Variants in ADGRB3 observed in about 807,000 individuals in gnomAD.
The protein encoded by ADGRB3 is adhesion G protein-coupled receptor B3, also known as brain-specific angiogenesis inhibitor 3.
ADGRB3 carries 37 observed loss-of-function variants against 193.4 expected under a neutral mutation model. The observed-to-expected ratio is 0.19, with a 90% confidence interval of 0.15 to 0.25. ADGRB3 has a LOEUF of 0.25. Ranked by LOEUF, ADGRB3 falls within the 10% of genes least tolerant of loss-of-function variation. The probability of loss-of-function intolerance (pLI) is 1.00; values close to 1 mark genes in which losing one functional copy is unlikely to be tolerated. For missense variants in ADGRB3, 1,637 were observed against 1,852.9 expected (o/e 0.88, Z 2.14); for synonymous variants, 690 against 644.2 (o/e 1.07, Z -1.08).
intron 3 of ADGRB3, among the ~76,000 whole-genome samples, chr6:68,884,996 C>A (rs1282952007): frequency 6.6e-6 from 1 of 152,094 alleles, no homozygotes; most frequent in Admixed American, 6.6e-5. Context: ...AAGTCACAAG[C>A]ATATGAAAAG....
At chr6:69,117,459 T>C (rs1773566824) in intron 17 of ADGRB3, among the ~76,000 whole-genome samples, 1 of 152,188 alleles carries the variant, frequency 6.6e-6, no homozygotes, top group African/African-American at 2.4e-5. Flanking sequence ...TCTTTGTCTT[T>C]AAGCAGAAGG....
intron 11 of ADGRB3, among the ~76,000 whole-genome samples, chr6:68,998,322 C>T (rs995369224): frequency 6.6e-6 from 1 of 152,158 alleles, no homozygotes; most frequent in Non-Finnish European, 1.5e-5. Context: ...GAAGAAGCAA[C>T]ATCTATAACC....
intron 3 of ADGRB3, among the ~76,000 whole-genome samples, chr6:68,723,067 T>G (rs1372904996): frequency 6.6e-6 from 1 of 151,784 alleles, no homozygotes; most frequent in Non-Finnish European, 1.5e-5. Context: ...TTAAAGATAG[T>G]AAACATTCTG....
At chr6:69,018,677 A>G (rs1166716725) in intron 13 of ADGRB3, among the ~76,000 whole-genome samples, 178 bp downstream of exon 13, 2 of 152,000 alleles carry the variant, frequency 1.3e-5, no homozygotes, top group East Asian at 3.9e-4. Flanking sequence ...TGCATTATAT[A>G]TATGTACGCG....
At chr6:68,913,345 A>G (rs1026591686) in intron 3 of ADGRB3, among the ~76,000 whole-genome samples, 11 of 152,142 alleles carry the variant, frequency 7.2e-5, no homozygotes, top group Non-Finnish European at 1.2e-4. Flanking sequence ...TCTGAGACAA[A>G]ACTTCCAGAG....
intron 20 of ADGRB3, among the ~76,000 whole-genome samples, chr6:69,250,229 C>A (rs534282415): frequency 6.6e-6 from 1 of 152,202 alleles, no homozygotes; most frequent in South Asian, 2.1e-4. Context: ...CAATTAAATT[C>A]TATCTGTATT....
Position 69,324,918 on chromosome 6 carries a change from C to T in ADGRB3, c.2861C>T (p.Ala954Val). The T allele has an allele frequency of 6.2e-7, 1 of 1,613,826 alleles. No individual in the cohort carries two copies. The highest frequency in any genetic ancestry group is 8.5e-7 in the Non-Finnish European group (1 of 1,179,856). Residue 954 changes from alanine to valine, a missense_variant, in exon 21 of 32, where the codon GCT becomes GTT. Ala to Val is a moderately conservative substitution (Grantham distance 64). Coordinates refer to ENST00000370598, the MANE Select transcript of ADGRB3 (RefSeq NM_001704.3). Reference protein sequence around the residue: ...TTAFLHFFFLASFCWVLTEAW... With the variant: ...TTAFLHFFFLVSFCWVLTEAW... ...GCATTTTTGCACTTTTTCTTCCTGG[C>T]TTCATTCTGTTGGGTTTTGACTGAG...
rs375255522 is a variant in ADGRB3 at position 68,868,911 on chromosome 6, A to ATGTGTGTGTGTGTG, written c.758-61631_758-61618dup. Reference sequence around the variant, plus strand: ...CTGGAAATAGGACTTCCAGATAATGATGTGTGTGTGTGTGTGTGTGTGTGT... The same window carrying ATGTGTGTGTGTGTG: ...CTGGAAATAGGACTTCCAGATAATGATGTGTGTGTGTGTGTGTGTGTGTGTGTGTGTGTGTGTGT... On this transcript the variant is annotated intron_variant, in intron 3 of 31. Transcript: ENST00000370598. Among the ~76,000 whole-genome samples, 476 of 139,812 alleles carry ATGTGTGTGTGTGTG rather than the reference A, an allele frequency of 3.4e-3. 8 individuals carry two copies. In the East Asian group the frequency reaches 0.05, roughly 15 times the overall value. The allele number at this position is 139,812 out of a possible 152,430, so 91.7% of individuals were successfully genotyped here.
intron 20 of ADGRB3, among the ~76,000 whole-genome samples, chr6:69,300,400 C>G (rs1224488678): frequency 6.6e-6 from 1 of 151,738 alleles, no homozygotes; most frequent in East Asian, 1.9e-4. Flanking sequence ...CCTCTAAGAT[C>G]ATGAAACAAA....
At chr6:69,002,992 T>C (rs866293357) in intron 11 of ADGRB3, among the ~76,000 whole-genome samples, 1 of 152,280 alleles carries the variant, frequency 6.6e-6, no homozygotes, top group East Asian at 1.9e-4. Context: ...AAGATGTGGC[T>C]TTAACACTTG....
chr6:68,661,894 T>A (rs911502523), intron 3 of ADGRB3, among the ~76,000 whole-genome samples: 1 of 151,162 alleles, frequency 6.6e-6, no homozygotes, highest in Non-Finnish European at 1.5e-5. Flanking sequence ...AAAAATAAAT[T>A]GATTACAACA....
At chr6:69,141,359 G>A (rs1330040772) in intron 17 of ADGRB3, among the ~76,000 whole-genome samples, 2 of 152,140 alleles carry the variant, frequency 1.3e-5, no homozygotes, top group South Asian at 2.1e-4. Flanking sequence ...TGCTGACCTC[G>A]TGATCCACCC....
intron 5 of ADGRB3, among the ~76,000 whole-genome samples, chr6:68,937,407 G>A (rs1562092984): frequency 6.6e-6 from 1 of 152,118 alleles, no homozygotes; most frequent in African/African-American, 2.4e-5. Context: ...AGTAATAATA[G>A]GACTCTGGGC....
At chr6:69,041,483 C>A (rs555132335) in intron 13 of ADGRB3, among the ~76,000 whole-genome samples, 11 of 152,032 alleles carry the variant, frequency 7.2e-5, no homozygotes, top group Non-Finnish European at 1.6e-4. Flanking sequence ...TGTTACGAGG[C>A]AAAATAAATT....
chr6:69,077,185 A>AT (rs895103313), intron 17 of ADGRB3, among the ~76,000 whole-genome samples: 2 of 151,896 alleles, frequency 1.3e-5, no homozygotes, highest in South Asian at 2.1e-4. Flanking sequence ...TGTCATTATT[A>AT]TTTTTTTCTT....
chr6:68,972,882 G>T (rs1389982579), intron 8 of ADGRB3, among the ~76,000 whole-genome samples: 1 of 152,118 alleles, frequency 6.6e-6, no homozygotes, highest in Non-Finnish European at 1.5e-5. Context: ...CCAAGAAGGT[G>T]AGAAAAGTCA....
chr6:69,351,038 A>G (rs1769210893), intron 26 of ADGRB3, among the ~76,000 whole-genome samples: 2 of 151,774 alleles, frequency 1.3e-5, no homozygotes, highest in Admixed American at 6.6e-5. Flanking sequence ...CTTTCCTGAC[A>G]GTGTTGGACA....
chr6:69,233,841 G>A (rs1447827378), intron 18 of ADGRB3, among the ~76,000 whole-genome samples: 1 of 152,066 alleles, frequency 6.6e-6, no homozygotes, highest in African/African-American at 2.4e-5. Context: ...TTTCAGTACA[G>A]GTTTTCTGGA....
At chr6:69,332,846 A>G in intron 23 of ADGRB3, 77 bp from the exon 24 acceptor site, 1 of 1,571,774 alleles carries the variant, frequency 6.4e-7, no homozygotes, top group African/African-American at 1.4e-5. Flanking sequence ...AATTGATAAA[A>G]ATAGGATTTT....
Sources: allele counts gnomAD v4.1 joint callset (sites outside exome capture counted in the v4.1 genomes callset), GRCh38; gene constraint gnomAD v4.1.1; transcripts MANE v1.5; gene names NCBI Gene and HGNC (gene_info 2026-07-23, HGNC 2026-07-21).